DPYSL5: variants seen among roughly 807,000 people sequenced by gnomAD.
DPYSL5 encodes the protein dihydropyrimidinase like 5.
In DPYSL5, 9 loss-of-function variants were observed where a neutral mutation model predicts 58.4. The observed-to-expected ratio is 0.15, with a 90% confidence interval of 0.09 to 0.27. The LOEUF (loss-of-function observed/expected upper bound fraction) is 0.27. Among genes scored for constraint, DPYSL5 ranks in the 10% least tolerant of loss-of-function variants. The pLI, the probability that DPYSL5 is intolerant of heterozygous loss-of-function variation, is 1.00. For missense variants in DPYSL5, 499 were observed against 770.6 expected, an observed-to-expected ratio of 0.65 and a Z score of 4.17; for synonymous variants, 293 against 301.9, an observed-to-expected ratio of 0.97 and a Z score of 0.31.
At chr2:26,867,255 T>C (rs2148114331) in intron 1 of DPYSL5, among the ~76,000 whole-genome samples, 1 of 152,336 alleles carries the variant, frequency 6.6e-6, no homozygotes. Context: ...CCAGGGTACA[T>C]GCATTGGATT....
intron 1 of DPYSL5, among the ~76,000 whole-genome samples, chr2:26,891,650 C>T (rs1283558767): frequency 6.6e-6 from 1 of 151,884 alleles, no homozygotes; most frequent in African/African-American, 2.4e-5. Flanking sequence ...TTCCTTCTGG[C>T]TTCTTTTTAG....
chr2:26,916,312 T>A (rs1664562579), intron 2 of DPYSL5, among the ~76,000 whole-genome samples: 1 of 152,190 alleles, frequency 6.6e-6, no homozygotes, highest in African/African-American at 2.4e-5. Context: ...ATGTTCTTCC[T>A]CTGCCCAGAG....
chr2:26,897,597 G>A (rs1403484036), intron 1 of DPYSL5, among the ~76,000 whole-genome samples: 3 of 152,070 alleles, frequency 2.0e-5, no homozygotes, highest in Admixed American at 6.6e-5. Context: ...CTATATTCAC[G>A]AGAGATATTG....
At chr2:26,866,467 C>CAA (rs1238336135) in intron 1 of DPYSL5, among the ~76,000 whole-genome samples, 1 of 140,620 alleles carries the variant, frequency 7.1e-6, no homozygotes, top group African/African-American at 2.6e-5. Context: ...TCTCATTATG[C>CAA]AAACACACAC....
At chr2:26,931,203 G>GTGTGTGTGTATATA (rs1474347605) in intron 5 of DPYSL5, among the ~76,000 whole-genome samples, 1 of 44,934 alleles carries the variant, frequency 2.2e-5, no homozygotes, top group Non-Finnish European at 4.3e-5. Flanking sequence ...GTGTGTGTGT[G>GTGTGTGTGTATATA]TATATATATA....
chr2:26,944,546 G>C lies in DPYSL5; in HGVS notation c.1441-110G>C. On this transcript the variant is annotated intron_variant, in intron 11 of 12. Transcript: ENST00000288699. This position sits in a 1 kb window ranked among gnomAD's most constrained non-coding sequence, Gnocchi z 4.4. ...TCACTTGCAGTGATTTGGGTCTTGG[G>C]CAGAGTGGCAGTGTCTAATGTCCCA... 1 of 1,267,694 alleles carries C rather than the reference G, an allele frequency of 7.9e-7. No individual in the cohort carries two copies. Among genetic ancestry groups the C allele is most frequent in the Non-Finnish European group, 1.1e-6 (1 of 911,184 alleles). The allele number at this position is 1,267,694 out of a possible 1,614,324, so 78.5% of individuals were successfully genotyped here. A position where few individuals can be genotyped will look rare whatever the true frequency, so the allele number is the denominator to read the frequency against.
At chr2:26,919,473 A>G (rs560299915) in intron 2 of DPYSL5, among the ~76,000 whole-genome samples, 45 of 152,374 alleles carry the variant, frequency 3.0e-4, no homozygotes, top group African/African-American at 1.0e-3. Context: ...ATGATGTTTC[A>G]TATTCTTCCA....
At chr2:26,932,179 G>C (rs1453997960) in intron 6 of DPYSL5, among the ~76,000 whole-genome samples, 1 of 73,226 alleles carries the variant, frequency 1.4e-5, no homozygotes. Context: ...AAGAAAGAAA[G>C]AAAGAAAGAA....
At chr2:26,862,712 G>A (rs1306212900) in intron 1 of DPYSL5, among the ~76,000 whole-genome samples, 1 of 152,210 alleles carries the variant, frequency 6.6e-6, no homozygotes, top group Non-Finnish European at 1.5e-5. Context: ...GCTGGTGGAA[G>A]TCACCGGGAT....
Position 26,939,739 on chromosome 2 carries a change from C to CT in DPYSL5, c.948-291dup, listed in dbSNP as rs1268814889. ...TCCACCATCTCACTTCAGCTAGACT[C>CT]TAAGTTCGGCTTTTCTCTGCTATCT... is the stretch of plus-strand genomic sequence containing the variant. On this transcript the variant is annotated intron_variant, in intron 8 of 12. Coordinates refer to ENST00000288699, the MANE Select transcript of DPYSL5 (RefSeq NM_020134.4). 1.3e-4 allele frequency: 43 copies of CT among 336,000 alleles called. 1 individual carries two copies. In the South Asian group the frequency reaches 1.7e-3, roughly 13 times the overall value. 20.8% of individuals were successfully genotyped at this position (336,000 alleles called of 1,614,324 possible).
At chr2:26,932,188 A>AC (rs1558351571) in intron 6 of DPYSL5, among the ~76,000 whole-genome samples, 4 of 80,376 alleles carry the variant, frequency 5.0e-5, no homozygotes, top group South Asian at 4.8e-4. Flanking sequence ...AGAAAGAAAG[A>AC]AAGAAAGAAA....
At chr2:26,935,116 C>A (rs1170087806) in intron 8 of DPYSL5, among the ~76,000 whole-genome samples, 1 of 152,164 alleles carries the variant, frequency 6.6e-6, no homozygotes, top group Non-Finnish European at 1.5e-5. Flanking sequence ...CTTGTTGGCT[C>A]CCGTGTGCCC....
At chr2:26,892,794 A>AGAGAG (rs1286252749) in intron 1 of DPYSL5, among the ~76,000 whole-genome samples, 9 of 143,106 alleles carry the variant, frequency 6.3e-5, no homozygotes, top group East Asian at 2.1e-4. Context: ...AGAGAGAGAG[A>AGAGAG]ATGCATCTCA....
At chr2:26,888,279 G>GTCTC (rs1475864718) in intron 1 of DPYSL5, among the ~76,000 whole-genome samples, 1 of 85,012 alleles carries the variant, frequency 1.2e-5, no homozygotes, top group Admixed American at 1.2e-4. Context: ...CTTTCTTTCT[G>GTCTC]TCTTTCTTTC....
At chr2:26,870,547 T>G (rs1663233590) in intron 1 of DPYSL5, among the ~76,000 whole-genome samples, 1 of 151,846 alleles carries the variant, frequency 6.6e-6, no homozygotes, top group Admixed American at 6.6e-5. Flanking sequence ...GATATTAGGG[T>G]TATATTGGTT....
intron 1 of DPYSL5, among the ~76,000 whole-genome samples, chr2:26,873,116 G>A (rs976360556): frequency 2.6e-5 from 4 of 151,972 alleles, no homozygotes; most frequent in Non-Finnish European, 5.9e-5. Context: ...TATATTATAT[G>A]TTTTTTTACT....
In DPYSL5 at chr2:26,925,240, CCA is replaced by C. The variant is rs1558347629; in HGVS notation, c.420+196_420+197del. Reference sequence around the variant, plus strand: ...GGCTTGTGCTGCTTAACTTAATGAGCCATTTTCCGGCAGGCACAGAGAGGCCA... The same window carrying C: ...GGCTTGTGCTGCTTAACTTAATGAGCTTTTCCGGCAGGCACAGAGAGGCCA... On this transcript the variant is annotated intron_variant, in intron 3 of 12. Coordinates refer to ENST00000288699, the MANE Select transcript of DPYSL5 (RefSeq NM_020134.4). This position sits in a 1 kb window ranked among gnomAD's most constrained non-coding sequence, Gnocchi z 4.5. 7.9e-5 allele frequency among the ~76,000 whole-genome samples: 12 copies of C among 152,296 alleles called. No homozygotes were observed. The highest frequency in any genetic ancestry group is 2.6e-4 in the African/African-American group (11 of 41,566).
At chr2:26,899,076 G>T (rs1664089273) in intron 2 of DPYSL5, among the ~76,000 whole-genome samples, 1 of 152,200 alleles carries the variant, frequency 6.6e-6, no homozygotes, top group African/African-American at 2.4e-5. Context: ...GAATAAGCTG[G>T]TGTTTGTTAT....
At chr2:26,867,452 T>G (rs539076684) in intron 1 of DPYSL5, among the ~76,000 whole-genome samples, 2 of 140,516 alleles carry the variant, frequency 1.4e-5, no homozygotes, top group African/African-American at 2.8e-5. Flanking sequence ...TGTTTTTTTT[T>G]TTGTTTGTTT....
Sources: allele counts gnomAD v4.1 joint callset (sites outside exome capture counted in the v4.1 genomes callset), GRCh38; gene constraint gnomAD v4.1.1; non-coding constraint Gnocchi (gnomAD v3.1); transcripts MANE v1.5; gene names NCBI Gene and HGNC (gene_info 2026-07-23, HGNC 2026-07-21).